The following CCDC6 variants were observed in gnomAD, a reference collection of about 807,000 sequenced individuals.
CCDC6 encodes the protein coiled-coil domain-containing protein 6.
In CCDC6, 20 loss-of-function variants were observed where a neutral mutation model predicts 56.6. The ratio of observed to expected loss-of-function variants is 0.35; its 90% confidence interval spans 0.25 to 0.51. CCDC6 has a LOEUF of 0.51. CCDC6 is among the 20% of genes least tolerant of loss of function. The pLI is 0.95. For synonymous variants in CCDC6, 241 were observed against 234.4 expected, an observed-to-expected ratio of 1.03 and a Z score of -0.26; for missense variants, 367 against 601.1, an observed-to-expected ratio of 0.61 and a Z score of 4.07.
chr10:59,885,063 C>CAAG (rs2071372259), intron 1 of CCDC6, among the ~76,000 whole-genome samples: 1 of 140,226 alleles, frequency 7.1e-6, no homozygotes, highest in Non-Finnish European at 1.5e-5. Flanking sequence ...GACTCCGTAA[C>CAAG]AACAACAACA....
chr10:59,868,043 C>T (rs1315170886), intron 1 of CCDC6, among the ~76,000 whole-genome samples: 1 of 152,196 alleles, frequency 6.6e-6, no homozygotes, highest in African/African-American at 2.4e-5. Context: ...CCTCCTGAAG[C>T]TTTGTTACAG....
intron 7 of CCDC6, among the ~76,000 whole-genome samples, chr10:59,797,683 T>TTTTGTGTG (rs113738274): frequency 7.1e-6 from 1 of 140,528 alleles, no homozygotes; most frequent in African/African-American, 2.7e-5. Flanking sequence ...AGTGAGAGTG[T>TTTTGTGTG]TGTGTGTGTG....
intron 1 of CCDC6, among the ~76,000 whole-genome samples, chr10:59,902,388 CTTTTTTTTT>C (rs35175510): frequency 3.4e-5 from 3 of 88,422 alleles, no homozygotes; most frequent in Non-Finnish European, 6.4e-5. Context: ...AACAGTAACT[CTTTTTTTTT>C]TTTTTTTTTT....
intron 3 of CCDC6, among the ~76,000 whole-genome samples, chr10:59,831,174 A>C (rs2070832097): frequency 6.6e-6 from 1 of 152,236 alleles, no homozygotes; most frequent in African/African-American, 2.4e-5. Flanking sequence ...TGTCTGGTTA[A>C]CTTAGACACT....
intron 5 of CCDC6, among the ~76,000 whole-genome samples, chr10:59,810,889 A>G (rs1160184566): frequency 3.9e-5 from 6 of 152,164 alleles, no homozygotes; most frequent in African/African-American, 1.4e-4. Flanking sequence ...AGATTATCAC[A>G]GTGGGCCCAA....
intron 1 of CCDC6, among the ~76,000 whole-genome samples, chr10:59,877,236 A>G (rs2132672602): frequency 6.6e-6 from 1 of 152,324 alleles, no homozygotes; most frequent in Admixed American, 6.5e-5. Flanking sequence ...CTAGGCATCT[A>G]CTAAGAGCTT....
chr10:59,901,857 C>A (rs533573058), intron 1 of CCDC6, among the ~76,000 whole-genome samples: 14 of 152,270 alleles, frequency 9.2e-5, no homozygotes, highest in South Asian at 8.3e-4. Flanking sequence ...CAATCACATT[C>A]TCACTCATAG....
At chr10:59,855,064 A>C (rs2071070627) in intron 1 of CCDC6, among the ~76,000 whole-genome samples, 1 of 152,246 alleles carries the variant, frequency 6.6e-6, no homozygotes, top group African/African-American at 2.4e-5. Context: ...AAGTGGACTC[A>C]GAGACTAGGC....
At chr10:59,888,979 C>T (rs759421949) in intron 1 of CCDC6, among the ~76,000 whole-genome samples, 8 of 152,028 alleles carry the variant, frequency 5.3e-5, no homozygotes, top group Non-Finnish European at 8.8e-5. Flanking sequence ...AAGTCACTAA[C>T]ATGGGCAGCC....
intron 1 of CCDC6, among the ~76,000 whole-genome samples, chr10:59,874,374 C>A (rs1389247636): frequency 2.0e-5 from 3 of 152,190 alleles, no homozygotes; most frequent in African/African-American, 4.8e-5. Flanking sequence ...AAAATTATCA[C>A]ATTGAAATCC....
At chr10:59,865,766 C>A (rs1490573187) in intron 1 of CCDC6, among the ~76,000 whole-genome samples, 1 of 144,656 alleles carries the variant, frequency 6.9e-6, no homozygotes. Flanking sequence ...GCAGGAGAAT[C>A]GCTTGAACCC....
At chr10:59,848,747 T>C (rs1384374648) in intron 2 of CCDC6, among the ~76,000 whole-genome samples, 14 of 152,360 alleles carry the variant, frequency 9.2e-5, no homozygotes, top group Admixed American at 9.1e-4. Flanking sequence ...AGAGTCTCAC[T>C]CTATCCCCCA....
chr10:59,903,032 G>A (rs953004997), intron 1 of CCDC6, among the ~76,000 whole-genome samples: 1 of 152,156 alleles, frequency 6.6e-6, no homozygotes, highest in African/African-American at 2.4e-5. Flanking sequence ...GAACATGGAA[G>A]AAACTTAAAT....
At chr10:59,842,310 GT>G (rs1231456111) in intron 2 of CCDC6, among the ~76,000 whole-genome samples, 4 of 152,034 alleles carry the variant, frequency 2.6e-5, no homozygotes, top group African/African-American at 9.7e-5. Context: ...GCCTCCCAAA[GT>G]GCTAGGATTA....
intron 3 of CCDC6, among the ~76,000 whole-genome samples, chr10:59,826,721 A>G (rs559566883): frequency 7.2e-5 from 11 of 152,368 alleles, no homozygotes; most frequent in Admixed American, 7.2e-4. Context: ...CACAAATGAC[A>G]TATGAGCATA....
Position 59,789,163 on chromosome 10 carries a change from T to C in CCDC6, c.*3754A>G, listed in dbSNP as rs887797380. On this transcript the variant is annotated 3_prime_UTR_variant, in exon 9 of 9. Coordinates refer to ENST00000263102, the MANE Select transcript of CCDC6 (RefSeq NM_005436.5). ...AACTGTTGTGCCTGCAACTTTGTTT[T>C]TGCCAGGATGAAGTTCAGACCGAGA... 5 of 230,396 alleles carry C rather than the reference T, an allele frequency of 2.2e-5. No individual in the cohort carries two copies. The highest frequency in any genetic ancestry group is 4.3e-5 in the Non-Finnish European group (5 of 116,166). The allele number at this position is 230,396 out of a possible 1,614,324, so 14.3% of individuals were successfully genotyped here. A position where few individuals can be genotyped will look rare whatever the true frequency, so the allele number is the denominator to read the frequency against.
At chr10:59,829,541 T>C (rs140642133) in intron 3 of CCDC6, among the ~76,000 whole-genome samples, 2 of 152,104 alleles carry the variant, frequency 1.3e-5, no homozygotes, top group Non-Finnish European at 2.9e-5. Context: ...AAACGATAAA[T>C]GGATAATTGA....
intron 5 of CCDC6, 83 bp downstream of exon 5, chr10:59,812,552 T>C (rs561376195): frequency 6.2e-5 from 53 of 858,104 alleles, no homozygotes; most frequent in Non-Finnish European, 2.4e-5. Flanking sequence ...AATTCAACAG[T>C]AATTAAATGT....
rs558288943 is a variant in CCDC6 at position 59,829,679 on chromosome 10, C to T, written c.582+2846G>A. Among the ~76,000 whole-genome samples the T allele has an allele frequency of 5.9e-5, 9 of 152,258 alleles. 1 individual carries two copies. The South Asian group carries it at 1.9e-3, about 32-fold the overall frequency. On this transcript the variant is annotated intron_variant, in intron 3 of 8. Coordinates refer to ENST00000263102, the MANE Select transcript of CCDC6 (RefSeq NM_005436.5). ...TCACAAAAGACCACATATTATGATT[C>T]TATTTACATGAAATGTCCAGAATAG... is the stretch of plus-strand genomic sequence containing the variant.
Sources: gnomAD v4.1 joint callset for allele counts (sites outside exome capture counted in the v4.1 genomes callset) on GRCh38, gnomAD v4.1.1 for gene constraint, MANE v1.5 for transcripts, NCBI Gene and HGNC (gene_info 2026-07-23, HGNC 2026-07-21) for gene names.